The following RETREG1 variants were observed in gnomAD, a reference collection of about 807,000 sequenced individuals.
The protein encoded by RETREG1 is family with sequence similarity 134 member B.
In RETREG1, 44 loss-of-function variants were observed where a neutral mutation model predicts 54.8. That is an observed-to-expected ratio of 0.80 (90% confidence interval 0.63 to 1.03). RETREG1 has a LOEUF of 1.03. RETREG1 is among the 50% of genes least tolerant of loss of function. The probability of loss-of-function intolerance (pLI) is 0.00; values close to 1 mark genes in which losing one functional copy is unlikely to be tolerated. For missense variants in RETREG1, 554 were observed against 605.1 expected, an observed-to-expected ratio of 0.92 and a Z score of 0.89; for synonymous variants, 217 against 238.5, an observed-to-expected ratio of 0.91 and a Z score of 0.83.
At chr5:16,554,150 C>T (rs1408278198) in intron 3 of RETREG1, among the ~76,000 whole-genome samples, 3 of 152,210 alleles carry the variant, frequency 2.0e-5, no homozygotes, top group Non-Finnish European at 4.4e-5. Flanking sequence ...TCTCACCTGA[C>T]CTTGGAAATA....
At chr5:16,545,496 A>C (rs762595263) in intron 3 of RETREG1, among the ~76,000 whole-genome samples, 1 of 152,072 alleles carries the variant, frequency 6.6e-6, no homozygotes, top group Non-Finnish European at 1.5e-5. Context: ...TTGAGGATAA[A>C]TTAGGTAATA....
chr5:16,523,751 G>A (rs114261541), intron 3 of RETREG1, among the ~76,000 whole-genome samples: 6,081 of 152,118 alleles, frequency 0.04, 416 homozygotes, highest in African/African-American at 0.14. Flanking sequence ...TTGGTGGCTT[G>A]CAAGGAAGAC....
At chr5:16,550,430 C>T (rs896201216) in intron 3 of RETREG1, among the ~76,000 whole-genome samples, 1 of 152,192 alleles carries the variant, frequency 6.6e-6, no homozygotes. Context: ...TCTGCAGTTA[C>T]TTAATGCTAT....
chr5:16,477,457 G>A (rs1230067981), intron 8 of RETREG1, among the ~76,000 whole-genome samples: 2 of 152,172 alleles, frequency 1.3e-5, no homozygotes, highest in African/African-American at 2.4e-5. Flanking sequence ...TACACAGTAT[G>A]TGGCATTTTG....
chr5:16,572,213 C>CT lies in RETREG1; in HGVS notation c.321-112dup, dbSNP rs11338270. 0.079 allele frequency: 43,356 copies of CT among 547,516 alleles called. 312 individuals carry two copies. Among genetic ancestry groups the CT allele is most frequent in the African/African-American group, 0.14 (6,697 of 48,082 alleles). The allele number at this position is 547,516 out of a possible 1,614,324, so 33.9% of individuals were successfully genotyped here. On this transcript the variant is annotated intron_variant, in intron 1 of 8. Coordinates refer to ENST00000306320, the MANE Select transcript of RETREG1 (RefSeq NM_001034850.3). ...AAAAAGGTATTCAATAATGATTTCACTTTTTTTTTTTTTTTTTGAGACAGA... is the reference window on the plus strand; with the variant it reads ...AAAAAGGTATTCAATAATGATTTCACTTTTTTTTTTTTTTTTTTGAGACAGA...
chr5:16,577,418 C>G (rs1264281232), intron 1 of RETREG1, among the ~76,000 whole-genome samples: 1 of 151,646 alleles, frequency 6.6e-6, no homozygotes, highest in Non-Finnish European at 1.5e-5. Flanking sequence ...CAATCCCTGT[C>G]TAGTGGCTGA....
At chr5:16,489,082 CAAAAAAAAAA>C (rs567475517) in intron 3 of RETREG1, among the ~76,000 whole-genome samples, 1 of 62,932 alleles carries the variant, frequency 1.6e-5, no homozygotes, top group African/African-American at 6.3e-5. Context: ...GATTCTGTCT[CAAAAAAAAAA>C]AAAAAAAAAA....
chr5:16,604,626 G>A (rs1244998492), intron 1 of RETREG1, among the ~76,000 whole-genome samples: 2 of 152,236 alleles, frequency 1.3e-5, no homozygotes, highest in East Asian at 3.9e-4. Context: ...GGTCTGGTGA[G>A]TGTCTGGGAA....
intron 3 of RETREG1, among the ~76,000 whole-genome samples, chr5:16,502,032 C>G (rs1739740104): frequency 6.6e-6 from 1 of 150,722 alleles, no homozygotes. Context: ...TCTCGGCTCA[C>G]TGCAAGCTCC....
At chr5:16,498,793 G>T (rs1310153523) in intron 3 of RETREG1, among the ~76,000 whole-genome samples, 2 of 152,208 alleles carry the variant, frequency 1.3e-5, no homozygotes, top group East Asian at 3.8e-4. Flanking sequence ...TTCTCTGGGT[G>T]AGTCAGTGAG....
At chr5:16,574,878 T>C (rs560038774) in intron 1 of RETREG1, among the ~76,000 whole-genome samples, 2 of 152,342 alleles carry the variant, frequency 1.3e-5, no homozygotes, top group African/African-American at 4.8e-5. Context: ...CCGCAGTCCA[T>C]GTCTTTAGCA....
At chr5:16,606,581 C>T (rs980725612) in intron 1 of RETREG1, among the ~76,000 whole-genome samples, 1 of 152,158 alleles carries the variant, frequency 6.6e-6, no homozygotes, top group African/African-American at 2.4e-5. Context: ...GCCACCCTTG[C>T]ATTGGTTAAG....
At chr5:16,576,294 C>CTTT (rs70940380) in intron 1 of RETREG1, among the ~76,000 whole-genome samples, 3,092 of 125,788 alleles carry the variant, frequency 0.025, 152 homozygotes, top group African/African-American at 0.085. Context: ...TTTTCTTTTT[C>CTTT]TTTTTTTTTT....
chr5:16,576,904 C>G (rs1457171909), intron 1 of RETREG1, among the ~76,000 whole-genome samples: 1 of 152,168 alleles, frequency 6.6e-6, no homozygotes, highest in East Asian at 1.9e-4. Flanking sequence ...CAGGAGCCAC[C>G]GCGCCTGGCC....
At chr5:16,554,782 C>A (rs1741639115) in intron 3 of RETREG1, among the ~76,000 whole-genome samples, 1 of 152,156 alleles carries the variant, frequency 6.6e-6, no homozygotes, top group Admixed American at 6.5e-5. Context: ...TTCCACTGAT[C>A]CCAGTCACTA....
At chr5:16,483,164 G>A in intron 4 of RETREG1, 182 bp downstream of exon 4, 2 of 650,022 alleles carry the variant, frequency 3.1e-6, no homozygotes, top group Non-Finnish European at 2.7e-6. Context: ...GTGAGGCTGA[G>A]GATTATCTAG....
chr5:16,499,675 T>C (rs191603059), intron 3 of RETREG1, among the ~76,000 whole-genome samples: 61 of 152,344 alleles, frequency 4.0e-4, no homozygotes, highest in Non-Finnish European at 7.6e-4. Context: ...GTAATTACCA[T>C]GCGACACTCA....
intron 3 of RETREG1, among the ~76,000 whole-genome samples, chr5:16,550,520 C>T (rs1741505779): frequency 6.6e-6 from 1 of 152,142 alleles, no homozygotes; most frequent in Admixed American, 6.5e-5. Flanking sequence ...ATAACTCTGC[C>T]CCCTTGTGGC....
At chr5:16,532,237 T>C (rs1435400245) in intron 3 of RETREG1, among the ~76,000 whole-genome samples, 1 of 152,060 alleles carries the variant, frequency 6.6e-6, no homozygotes, top group Non-Finnish European at 1.5e-5. Context: ...GTTCAAAAAG[T>C]TTTCCTGGGC....
Sources: gnomAD v4.1 joint callset for allele counts (sites outside exome capture counted in the v4.1 genomes callset) on GRCh38, gnomAD v4.1.1 for gene constraint, MANE v1.5 for transcripts, NCBI Gene and HGNC (gene_info 2026-07-23, HGNC 2026-07-21) for gene names.